The following EXOC2 variants were observed in gnomAD, a reference collection of about 807,000 sequenced individuals.
The protein encoded by EXOC2 is exocyst complex component 2.
EXOC2 carries 70 observed loss-of-function variants against 131.8 expected under a neutral mutation model. The observed-to-expected ratio is 0.53, with a 90% CI of 0.44 to 0.65. EXOC2 has a LOEUF of 0.65. Among genes scored for constraint, EXOC2 ranks in the 30% least tolerant of loss-of-function variants. The pLI is 0.00. For synonymous variants in EXOC2, 411 were observed against 398.4 expected, an observed-to-expected ratio of 1.03 and a Z score of -0.38; for missense variants, 923 against 1,108.6, an observed-to-expected ratio of 0.83 and a Z score of 2.38.
intron 1 of EXOC2, among the ~76,000 whole-genome samples, chr6:690,974 T>C (rs898372901): frequency 6.6e-6 from 1 of 152,096 alleles, no homozygotes; most frequent in Non-Finnish European, 1.5e-5. Flanking sequence ...TGACCTAAAA[T>C]TCATCCATTC....
intron 10 of EXOC2, among the ~76,000 whole-genome samples, chr6:594,976 T>TTTTTTGCA (rs1561902680): frequency 6.6e-6 from 1 of 152,182 alleles, no homozygotes; most frequent in African/African-American, 2.4e-5. Flanking sequence ...ATGTTAATTA[T>TTTTTTGCA]GATTAACACA....
In EXOC2 at chr6:570,422, C is replaced by G. The variant is rs569384106; in HGVS notation, c.1443+2098G>C. 4.6e-5 allele frequency among the ~76,000 whole-genome samples: 7 copies of G among 152,288 alleles called. No homozygotes were observed. In the South Asian group the frequency reaches 1.5e-3, roughly 32 times the overall value. On this transcript the variant is annotated intron_variant, in intron 13 of 27. Coordinates refer to ENST00000230449, the MANE Select transcript of EXOC2 (RefSeq NM_018303.6). ...TGCTGGGATTATAGGCATGAGCCAC[C>G]GCGCCTGGCCCTAAAAGAGTAATTC... is the stretch of plus-strand genomic sequence containing the variant.
At chr6:539,891 A>T (rs1237287689) in intron 22 of EXOC2, among the ~76,000 whole-genome samples, 6 of 152,238 alleles carry the variant, frequency 3.9e-5, no homozygotes, top group African/African-American at 1.4e-4. Flanking sequence ...TGGCAAACTG[A>T]CATTCCTTTA....
chr6:687,039 G>A (rs1202213570), intron 1 of EXOC2, among the ~76,000 whole-genome samples: 1 of 152,078 alleles, frequency 6.6e-6, no homozygotes, highest in Middle Eastern at 3.4e-3. Flanking sequence ...AGATCTATAT[G>A]CATAGATAAA....
rs540834333 is a variant in EXOC2 at position 679,549 on chromosome 6, G to A, written c.-44+13470C>T. ...AATTCGGCCACGTGTCAAAGCCTTA[G>A]ACATGCTTCCACAGTTTGACTCAAA... On this transcript the variant is annotated intron_variant, in intron 1 of 27. Coordinates refer to ENST00000230449, the MANE Select transcript of EXOC2 (RefSeq NM_018303.6). 3.3e-5 allele frequency: 5 copies of A among 152,186 alleles called. No individual in the cohort carries two copies. In the East Asian group the frequency reaches 5.8e-4, roughly 18 times the overall value. The allele number at this position is 152,186 out of a possible 1,614,324, so 9.4% of individuals were successfully genotyped here.
chr6:612,884 G>GC (rs1760786155), intron 6 of EXOC2, among the ~76,000 whole-genome samples: 1 of 152,228 alleles, frequency 6.6e-6, no homozygotes, highest in Admixed American at 6.5e-5. Flanking sequence ...AAAGGGGCAA[G>GC]TGATAATGCT....
chr6:554,444 G>A (rs573591120), intron 20 of EXOC2, among the ~76,000 whole-genome samples: 1 of 152,198 alleles, frequency 6.6e-6, no homozygotes, highest in African/African-American at 2.4e-5. Context: ...CATAATATGA[G>A]GGATCTGACT....
intron 23 of EXOC2, among the ~76,000 whole-genome samples, chr6:502,027 TG>T (rs1764239777): frequency 6.6e-6 from 1 of 152,256 alleles, no homozygotes; most frequent in East Asian, 1.9e-4. Context: ...GTGGGGGCAC[TG>T]GGGCCTGGCC....
At chr6:575,077 A>G (rs1229431687) in intron 12 of EXOC2, among the ~76,000 whole-genome samples, 1 of 152,236 alleles carries the variant, frequency 6.6e-6, no homozygotes, top group Non-Finnish European at 1.5e-5. Flanking sequence ...GTGATCCCCA[A>G]TGTTGCAGGA....
At chr6:656,336 ATAACTTTGAATGGACACCACCTCCGTCTC>A in intron 1 of EXOC2, 1 of 1,614,192 alleles carries the variant, frequency 6.2e-7, no homozygotes, top group South Asian at 1.1e-5. Context: ...GATTTTTAAA[ATAACTTTGAATGGACACCACCTCCGTCTC>A]TATACTCAGG....
At chr6:549,128 G>A (rs1757012486) in intron 22 of EXOC2, 47 bp downstream of exon 22, 1 of 1,496,554 alleles carries the variant, frequency 6.7e-7, no homozygotes, top group Non-Finnish European at 9.3e-7. Flanking sequence ...CTTGAAAACT[G>A]AGCTGGTAAA....
At chr6:682,117 T>C (rs1014781747) in intron 1 of EXOC2, among the ~76,000 whole-genome samples, 2 of 151,990 alleles carry the variant, frequency 1.3e-5, no homozygotes, top group African/African-American at 4.8e-5. Context: ...TGCTGGTGAC[T>C]AACAGCCAGT....
chr6:658,642 A>ATATT (rs1421358699), intron 1 of EXOC2, among the ~76,000 whole-genome samples: 9 of 112,272 alleles, frequency 8.0e-5, no homozygotes, highest in Non-Finnish European at 1.3e-4. Context: ...ATATATATAT[A>ATATT]TTTTATATAT....
In EXOC2 at chr6:486,773, C is replaced by G. The variant is rs116993850; in HGVS notation, c.2682-9G>C. On this transcript the variant is annotated splice_polypyrimidine_tract_variant and intron_variant, in intron 27 of 27. Coordinates refer to ENST00000230449, the MANE Select transcript of EXOC2 (RefSeq NM_018303.6). ...GGAGCTCTTCCAGTAACCTGCAGGA[C>G]GGAGACACTTGTTTTACAGCCCGAC... 1.9e-6 allele frequency: 3 copies of G among 1,611,656 alleles called. No individual in the cohort carries two copies. The African/African-American group carries it at 4.0e-5, about 22-fold the overall frequency.
intron 1 of EXOC2, among the ~76,000 whole-genome samples, chr6:690,027 G>A (rs1764843941): frequency 6.6e-6 from 1 of 152,178 alleles, no homozygotes; most frequent in African/African-American, 2.4e-5. Context: ...TTGCTTTGAC[G>A]CCTAAGCCAA....
chr6:564,706 GA>G lies in EXOC2; in HGVS notation c.1510-5del, dbSNP rs745571785. 113 of 1,586,512 alleles carry G rather than the reference GA, an allele frequency of 7.1e-5. No homozygotes were observed. The African/African-American group carries it at 1.4e-3, about 20-fold the overall frequency. On this transcript the variant is annotated splice_polypyrimidine_tract_variant and splice_region_variant and intron_variant, in intron 14 of 27. Coordinates refer to ENST00000230449, the MANE Select transcript of EXOC2 (RefSeq NM_018303.6). ...GCATTACTTCCTGAATCATTTTCTA[GA>G]AAACCAGGAACAAGCATAACCGTGT...
chr6:684,232 T>TAG (rs1562012937), intron 1 of EXOC2, among the ~76,000 whole-genome samples: 2 of 152,062 alleles, frequency 1.3e-5, no homozygotes, highest in Non-Finnish European at 2.9e-5. Context: ...CAGGAGAGTC[T>TAG]TCCCTATGTG....
chr6:646,078 T>C (rs892082201), intron 1 of EXOC2, among the ~76,000 whole-genome samples: 1 of 152,244 alleles, frequency 6.6e-6, no homozygotes, highest in Non-Finnish European at 1.5e-5. Context: ...TGATTTGGGT[T>C]ATGTATCTTT....
chr6:590,718 C>G (rs1027297150), intron 11 of EXOC2, among the ~76,000 whole-genome samples: 1 of 152,142 alleles, frequency 6.6e-6, no homozygotes, highest in South Asian at 2.1e-4. Context: ...CCATGACCAC[C>G]CCTTCTTCGT....
Sources: gnomAD v4.1 joint callset for allele counts (sites outside exome capture counted in the v4.1 genomes callset) on GRCh38, gnomAD v4.1.1 for gene constraint, MANE v1.5 for transcripts, NCBI Gene and HGNC (gene_info 2026-07-23, HGNC 2026-07-21) for gene names.